Variants in STK32A observed in about 807,000 individuals in gnomAD.
STK32A encodes the protein serine/threonine-protein kinase 32A.
STK32A carries 41 observed loss-of-function variants against 53.2 expected under a neutral mutation model. That is an observed-to-expected ratio of 0.77 (90% CI 0.60 to 1.00). The LOEUF (loss-of-function observed/expected upper bound fraction) is 1.00, where lower values mean the gene tolerates loss of function less well. Ranked by LOEUF, STK32A falls within the 50% of genes least tolerant of loss-of-function variation. STK32A has a pLI of 0.00. For missense variants in STK32A, 458 were observed against 485.8 expected, an observed-to-expected ratio of 0.94 and a Z score of 0.54; for synonymous variants, 166 against 162.8, an observed-to-expected ratio of 1.02 and a Z score of -0.15.
At chr5:147,281,678 C>T (rs1752072412) in intron 4 of STK32A, among the ~76,000 whole-genome samples, 2 of 151,912 alleles carry the variant, frequency 1.3e-5, no homozygotes, top group South Asian at 4.2e-4. Context: ...GCTTGGAAAA[C>T]ATATCTGAGG....
In STK32A at chr5:147,384,311, T is replaced by C. The variant is rs1215094059; in HGVS notation, c.*328T>C. 1.4e-6 allele frequency: 2 copies of C among 1,423,430 alleles called. No individual in the cohort carries two copies. Among genetic ancestry groups the C allele is most frequent in the Admixed American group, 4.7e-5 (2 of 42,688 alleles). The allele number at this position is 1,423,430 out of a possible 1,614,324, so 88.2% of individuals were successfully genotyped here. A position where few individuals can be genotyped will look rare whatever the true frequency, so the allele number is the denominator to read the frequency against. ...TATAGTTGTTATTCTAAACCGCCTTTATTTTTATTTTAAAATTAATATATG... is the reference window on the plus strand; with the variant it reads ...TATAGTTGTTATTCTAAACCGCCTTCATTTTTATTTTAAAATTAATATATG... On this transcript the variant is annotated 3_prime_UTR_variant, in exon 13 of 13. Transcript: ENST00000397936.
intron 6 of STK32A, chr5:147,343,276 C>G (rs1431889723): frequency 1.4e-6 from 1 of 708,286 alleles, no homozygotes; most frequent in African/African-American, 1.7e-5. Context: ...TCATAGTCTA[C>G]TCAATTTTCT....
intron 6 of STK32A, 42 bp downstream of exon 6, chr5:147,343,085 T>G: frequency 6.2e-7 from 1 of 1,606,392 alleles, no homozygotes; most frequent in Non-Finnish European, 8.5e-7. Flanking sequence ...ATGACATGCA[T>G]GTAGAAAAGT....
chr5:147,256,142 T>G (rs375397399), intron 2 of STK32A, among the ~76,000 whole-genome samples: 1 of 152,166 alleles, frequency 6.6e-6, no homozygotes, highest in East Asian at 1.9e-4. Context: ...GCTGACTGAT[T>G]GATAAGCTCT....
intron 5 of STK32A, among the ~76,000 whole-genome samples, chr5:147,329,620 T>C (rs1754763422): frequency 1.3e-5 from 2 of 152,100 alleles, no homozygotes; most frequent in South Asian, 2.1e-4. Flanking sequence ...GAGCGATGCA[T>C]GTGTGCCTGC....
intron 9 of STK32A, among the ~76,000 whole-genome samples, chr5:147,371,799 A>C (rs1757017107): frequency 6.6e-6 from 1 of 152,184 alleles, no homozygotes; most frequent in South Asian, 2.1e-4. Context: ...GGCAATGCAT[A>C]ATAAGACCAC....
At chr5:147,326,144 C>T (rs577633694) in intron 5 of STK32A, among the ~76,000 whole-genome samples, 1 of 152,304 alleles carries the variant, frequency 6.6e-6, no homozygotes, top group South Asian at 2.1e-4. Flanking sequence ...CCCCAAGGAG[C>T]TTACTAACAC....
At chr5:147,355,786 G>GTATATATATATATATATA (rs1421118282) in intron 7 of STK32A, among the ~76,000 whole-genome samples, 7 of 128,272 alleles carry the variant, frequency 5.5e-5, no homozygotes, top group African/African-American at 2.5e-4. Flanking sequence ...GTGTGAGTGT[G>GTATATATATATATATATA]TGTGTGTATA....
chr5:147,376,041 G>A (rs1367769834), intron 11 of STK32A: 1 of 152,052 alleles, frequency 6.6e-6, no homozygotes, highest in East Asian at 1.9e-4. Context: ...GCTAAAGACT[G>A]GAGTGAGAAA....
intron 4 of STK32A, 135 bp from the exon 5 acceptor site, chr5:147,323,763 A>G: frequency 1.5e-6 from 1 of 676,794 alleles, no homozygotes; most frequent in Non-Finnish European, 2.4e-6. Context: ...AGAGCTAGTG[A>G]TAGACCACCT....
chr5:147,329,138 A>T (rs1044929982), intron 5 of STK32A, among the ~76,000 whole-genome samples: 1 of 152,218 alleles, frequency 6.6e-6, no homozygotes, highest in Non-Finnish European at 1.5e-5. Context: ...GAAGAGAAAT[A>T]AAAGAAGATT....
downstream of STK32A, among the ~76,000 whole-genome samples, chr5:147,389,699 T>C (rs1256740408): frequency 1.3e-5 from 2 of 152,040 alleles, no homozygotes; most frequent in East Asian, 3.9e-4. Context: ...TGAAACCCTG[T>C]CTCTACTGAA....
chr5:147,302,294 T>G (rs1293785633), intron 4 of STK32A, among the ~76,000 whole-genome samples: 1 of 152,148 alleles, frequency 6.6e-6, no homozygotes, highest in Non-Finnish European at 1.5e-5. Flanking sequence ...CATAAAGTAA[T>G]CAAAAGGGTC....
intron 2 of STK32A, among the ~76,000 whole-genome samples, chr5:147,268,401 T>TCTC (rs1754898654): frequency 1.3e-5 from 2 of 152,048 alleles, no homozygotes; most frequent in Admixed American, 6.6e-5. Context: ...CCATTACAGG[T>TCTC]CTCCCTATGG....
intron 11 of STK32A, chr5:147,383,094 G>A (rs1370134697): frequency 7.6e-6 from 2 of 262,912 alleles, no homozygotes; most frequent in African/African-American, 4.6e-5. Context: ...GGGATGGGTA[G>A]CTGCTGCTGT....
At chr5:147,346,584 G>C (rs1251717219) in intron 6 of STK32A, among the ~76,000 whole-genome samples, 1 of 152,094 alleles carries the variant, frequency 6.6e-6, no homozygotes, top group Non-Finnish European at 1.5e-5. Flanking sequence ...TTTTAACTTA[G>C]AGCACATCTG....
At chr5:147,297,461 C>T (rs917801596) in intron 4 of STK32A, among the ~76,000 whole-genome samples, 1 of 152,158 alleles carries the variant, frequency 6.6e-6, no homozygotes, top group East Asian at 1.9e-4. Flanking sequence ...GTCATGAAAG[C>T]AGAATCTTAG....
At chr5:147,325,421 G>T (rs558826910) in intron 5 of STK32A, among the ~76,000 whole-genome samples, 2 of 152,042 alleles carry the variant, frequency 1.3e-5, no homozygotes, top group Non-Finnish European at 2.9e-5. Context: ...CCAAAATTCT[G>T]GGATTACAGG....
chr5:147,334,387 T>C (rs1055746489), intron 5 of STK32A, among the ~76,000 whole-genome samples: 7 of 152,236 alleles, frequency 4.6e-5, no homozygotes, highest in Non-Finnish European at 8.8e-5. Context: ...AGTACTGTTG[T>C]ACTAGTAATT....
Sources: allele counts gnomAD v4.1 joint callset (sites outside exome capture counted in the v4.1 genomes callset), GRCh38; gene constraint gnomAD v4.1.1; transcripts MANE v1.5; gene names NCBI Gene and HGNC (gene_info 2026-07-23, HGNC 2026-07-21).